Variants in SLC22A2 observed in about 807,000 individuals in gnomAD.
SLC22A2 encodes organic cation transporter 2.
In SLC22A2, 46 loss-of-function variants were observed where a neutral mutation model predicts 60.5. That is an observed-to-expected ratio of 0.76 (90% CI 0.60 to 0.97). SLC22A2 has a LOEUF of 0.97. Among genes scored for constraint, SLC22A2 ranks in the 50% least tolerant of loss-of-function variants. The probability of loss-of-function intolerance (pLI) is 0.00; values close to 1 mark genes in which losing one functional copy is unlikely to be tolerated. For synonymous variants in SLC22A2, 303 were observed against 267.0 expected, an observed-to-expected ratio of 1.13 and a Z score of -1.31; for missense variants, 701 against 706.6, an observed-to-expected ratio of 0.99 and a Z score of 0.09.
chr6:160,218,951 G>GTAA (rs1782594339), intron 10 of SLC22A2, among the ~76,000 whole-genome samples: 9 of 10,474 alleles, frequency 8.6e-4, no homozygotes, highest in South Asian at 2.4e-3. Flanking sequence ...AGTAATAGCA[G>GTAA]CAACAGCAGC....
At chr6:160,255,967 G>A (rs1164907145) in intron 2 of SLC22A2, among the ~76,000 whole-genome samples, 1 of 152,132 alleles carries the variant, frequency 6.6e-6, no homozygotes, top group Non-Finnish European at 1.5e-5. Flanking sequence ...TACAAACACT[G>A]ACTACTAGCT....
rs1282913102 is a variant in SLC22A2, at chr6:160,242,301, A to T, written c.1381T>A (p.Phe461Ile). Reference sequence around the variant, plus strand: ...TAAGGAAAATGCACTCACCTAATGAATGTGGGGTACAGCTCAGCATTGACC... The same window carrying T: ...TAAGGAAAATGCACTCACCTAATGATTGTGGGGTACAGCTCAGCATTGACC... The part of the protein sequence containing the change: ...CLVNAELYPT[F>I]IRNLGVHICS... The change falls in exon 8 of 11, where the codon TTC becomes ATC. Residue 461 changes from phenylalanine to isoleucine, a missense_variant. Coordinates refer to ENST00000366953, the MANE Select transcript of SLC22A2 (RefSeq NM_003058.4). 3 of 1,562,734 alleles carry T rather than the reference A, an allele frequency of 1.9e-6. No individual in the cohort carries two copies. The Admixed American group carries it at 5.0e-5, about 26-fold the overall frequency.
At chr6:160,235,095 T>C (rs1410775404) in intron 9 of SLC22A2, among the ~76,000 whole-genome samples, 2 of 152,204 alleles carry the variant, frequency 1.3e-5, no homozygotes, top group African/African-American at 2.4e-5. Flanking sequence ...AGAGGAGACA[T>C]CACAGACCTC....
Position 160,258,793 on chromosome 6 carries a change from G to A in SLC22A2, c.-36C>T, listed in dbSNP as rs1471853693. The A allele has an allele frequency of 1.1e-5, 17 of 1,509,866 alleles. No homozygotes were observed. Among genetic ancestry groups the A allele is most frequent in the East Asian group, 2.3e-5 (1 of 43,492 alleles). The allele number at this position is 1,509,866 out of a possible 1,614,324, so 93.5% of individuals were successfully genotyped here. Reference sequence around the variant, plus strand: ...GCAGGAGGGCCCGAGGCTGCCCGACGTGCCCGGAGCGAGGCTGAGAGCGGC... The same window carrying A: ...GCAGGAGGGCCCGAGGCTGCCCGACATGCCCGGAGCGAGGCTGAGAGCGGC... On this transcript the variant is annotated 5_prime_UTR_variant, in exon 1 of 11. The change creates a new upstream start codon in the 5' untranslated region. Transcript: ENST00000366953.
chr6:160,258,517 C>T lies in SLC22A2; in HGVS notation c.241G>A (p.Ala81Thr), dbSNP rs1321219573. 1.9e-6 allele frequency: 3 copies of T among 1,614,130 alleles called. No homozygotes were observed. The highest frequency in any genetic ancestry group is 2.2e-5 in the East Asian group (1 of 44,864). Residue 81 changes from alanine (A) to threonine (T), a missense_variant, in exon 1 of 11, where the codon GCG becomes ACG. Physicochemically the swap from Ala to Thr is moderately conservative, Grantham distance 58. Coordinates refer to ENST00000366953, the MANE Select transcript of SLC22A2 (RefSeq NM_003058.4). ...CACTGTCTTGGGGAGGCTTCGCCCG[C>T]AGGTCCTGGGCCCGGCACCGTGTAG... Reference protein sequence around the residue: ...LNYTVPGPGPAGEASPRQCRR... With the variant: ...LNYTVPGPGPTGEASPRQCRR...
intron 9 of SLC22A2, among the ~76,000 whole-genome samples, chr6:160,227,463 A>T (rs1481271215): frequency 6.6e-6 from 1 of 152,202 alleles, no homozygotes; most frequent in African/African-American, 2.4e-5. Flanking sequence ...GATACCTCGC[A>T]TGTATTGATG....
chr6:160,222,309 CA>C (rs1782655889), intron 10 of SLC22A2, among the ~76,000 whole-genome samples: 1 of 152,156 alleles, frequency 6.6e-6, no homozygotes, highest in South Asian at 2.1e-4. Context: ...CTGTTGTCCC[CA>C]TTTACAGATG....
chr6:160,252,188 A>G (rs1223389079), intron 2 of SLC22A2, among the ~76,000 whole-genome samples: 1 of 152,154 alleles, frequency 6.6e-6, no homozygotes, highest in Non-Finnish European at 1.5e-5. Flanking sequence ...TTAATTTTTT[A>G]GCATTTCTTC....
At chr6:160,232,694 G>T (rs980420769) in intron 9 of SLC22A2, among the ~76,000 whole-genome samples, 1 of 151,772 alleles carries the variant, frequency 6.6e-6, no homozygotes, top group African/African-American at 2.4e-5. Flanking sequence ...TCATAAGGTA[G>T]CTAAAAAAGC....
chr6:160,222,095 T>C (rs1002119250), intron 10 of SLC22A2, among the ~76,000 whole-genome samples: 2 of 152,174 alleles, frequency 1.3e-5, no homozygotes, highest in African/African-American at 4.8e-5. Flanking sequence ...GAGCTCTTAG[T>C]AAATGTTAGC....
At chr6:160,245,380 T>G (rs948373160) in intron 6 of SLC22A2, 59 bp downstream of exon 6, 33 of 956,390 alleles carry the variant, frequency 3.5e-5, no homozygotes, top group Non-Finnish European at 5.2e-5. Context: ...CCTTCCTTAC[T>G]ATGGATGACT....
At position 160,224,757 on chromosome 6, in the gene SLC22A2, T is replaced by A; in HGVS notation, c.1549A>T (p.Thr517Ser). 1 of 1,603,924 alleles carries A rather than the reference T, an allele frequency of 6.2e-7. No homozygotes were observed. Among genetic ancestry groups the A allele is most frequent in the Non-Finnish European group, 8.5e-7 (1 of 1,174,130 alleles). The change falls in exon 10 of 11, where the codon ACT (threonine) becomes TCT (serine). Residue 517 changes from threonine (T) to serine (S), a missense_variant. Physicochemically the swap from Thr to Ser is moderately conservative, Grantham distance 58. Coordinates refer to ENST00000366953, the MANE Select transcript of SLC22A2 (RefSeq NM_003058.4). ...GTCTCAGGCAAAGCTTTCCCTTTAGTTTCTGGAAGCAACAGCACCAGACCT... is the reference window on the plus strand; with the variant it reads ...GTCTCAGGCAAAGCTTTCCCTTTAGATTCTGGAAGCAACAGCACCAGACCT... Reference protein sequence around the residue: ...AGGLVLLLPETKGKALPETIE... With the variant: ...AGGLVLLLPESKGKALPETIE...
intron 10 of SLC22A2, among the ~76,000 whole-genome samples, chr6:160,222,362 C>T (rs1224703441): frequency 1.3e-5 from 2 of 152,204 alleles, no homozygotes; most frequent in East Asian, 3.8e-4. Context: ...TAAAGCCACA[C>T]ACATGGGAAA....
At chr6:160,250,108 G>C (rs1211006963) in intron 3 of SLC22A2, among the ~76,000 whole-genome samples, 1 of 152,222 alleles carries the variant, frequency 6.6e-6, no homozygotes, top group Non-Finnish European at 1.5e-5. Flanking sequence ...GTTGACTACA[G>C]TACTTGTGTT....
In SLC22A2 at chr6:160,217,422, G is replaced by A; in HGVS notation, c.*10C>T. ...AAGCTAGGTCATGACAGCAGCAACG[G>A]TCTCTCTTCTTAGTTCAATGGAATG... On this transcript the variant is annotated 3_prime_UTR_variant, in exon 11 of 11. Transcript: ENST00000366953. 1 of 1,575,282 alleles carries A rather than the reference G, an allele frequency of 6.3e-7. No homozygotes were observed. Among genetic ancestry groups the A allele is most frequent in the Non-Finnish European group, 8.7e-7 (1 of 1,146,632 alleles).
chr6:160,240,941 C>T (rs1303107804), intron 9 of SLC22A2, among the ~76,000 whole-genome samples: 1 of 152,310 alleles, frequency 6.6e-6, no homozygotes, highest in East Asian at 1.9e-4. Flanking sequence ...GGTGCATCAA[C>T]ACAGGTGCTC....
At chr6:160,242,424 C>T (rs1325981691) in intron 7 of SLC22A2, 22 bp from the exon 8 acceptor site, 1 of 1,250,994 alleles carries the variant, frequency 8.0e-7, no homozygotes. Context: ...AAGAACAGTA[C>T]TTATCCGTAC....
At chr6:160,241,389 C>T (rs1782997789) in intron 9 of SLC22A2, 85 bp downstream of exon 9, 10 of 814,546 alleles carry the variant, frequency 1.2e-5, no homozygotes, top group Non-Finnish European at 2.1e-5. Context: ...ATAGGCATGA[C>T]ACCTGTTTTG....
intron 9 of SLC22A2, among the ~76,000 whole-genome samples, chr6:160,240,745 C>T (rs1782984812): frequency 6.6e-6 from 1 of 152,048 alleles, no homozygotes; most frequent in Non-Finnish European, 1.5e-5. Flanking sequence ...AAATTGAGTG[C>T]TATATGCCCA....
Sources: allele counts gnomAD v4.1 joint callset (sites outside exome capture counted in the v4.1 genomes callset), GRCh38; gene constraint gnomAD v4.1.1; transcripts MANE v1.5; gene names NCBI Gene and HGNC (gene_info 2026-07-23, HGNC 2026-07-21).